Variants in ETV5 observed in about 807,000 individuals in gnomAD.
The protein encoded by ETV5 is ETS variant transcription factor 5, also known as ETS translocation variant 5.
Under a neutral mutation model 70.0 loss-of-function variants are expected in ETV5, and 10 were observed. That is an observed-to-expected ratio of 0.14 (90% CI 0.09 to 0.24). ETV5 has a LOEUF of 0.24. ETV5 is among the 10% of genes least tolerant of loss of function. The pLI is 1.00. For synonymous variants in ETV5, 216 were observed against 242.2 expected (o/e 0.89, Z 1.01); for missense variants, 453 against 651.2 (o/e 0.70, Z 3.31).
rs1272748689 is a variant in ETV5, at chr3:186,048,189, A to G, written c.*450T>C. The stretch of plus-strand genomic sequence containing the variant: ...ACCCTTAATGGTTTGAGCCTCCCCA[A>G]CTTAGCCTACTTACTTTTCTATGGG... On this transcript the variant is annotated 3_prime_UTR_variant, in exon 13 of 13. Transcript: ENST00000306376. 1 of 247,024 alleles carries G rather than the reference A, an allele frequency of 4.0e-6. No homozygotes were observed. The highest frequency in any genetic ancestry group is 2.2e-5 in the African/African-American group (1 of 45,466). 15.3% of individuals were successfully genotyped at this position (247,024 alleles called of 1,614,324 possible).
rs372433151 is a variant in ETV5 at position 186,105,305 on chromosome 3, G to C, written c.232C>G (p.Leu78Val). 6.2e-7 allele frequency: 1 copy of C among 1,611,450 alleles called. No homozygotes were observed. The highest frequency in any genetic ancestry group is 2.2e-5 in the East Asian group (1 of 44,866). ...GTGCCATCACCAGAAAGGTACTTAC[G>C]GTTATCAGACTGAAAATCTGGGACA... ...QFVPDFQSDNLVLHAPPPTKI... is the reference protein window; with the variant it reads ...QFVPDFQSDNVVLHAPPPTKI... The change falls in exon 5 of 13, where the codon CTG (leucine) becomes GTG (valine). Residue 78 changes from leucine (L) to valine (V), a missense_variant and splice_region_variant. Physicochemically the swap from Leu to Val is conservative, Grantham distance 32. Around this residue, in one of 4 missense-constraint regions of ETV5, gnomAD observed 47 missense variants for 96.8 expected, o/e 0.49. Transcript: ENST00000306376. This position sits in a 1 kb window ranked among gnomAD's most constrained non-coding sequence, Gnocchi z 4.5.
intron 9 of ETV5, among the ~76,000 whole-genome samples, chr3:186,060,888 C>G (rs1488243675): frequency 6.6e-6 from 1 of 152,216 alleles, no homozygotes; most frequent in East Asian, 1.9e-4. Context: ...TCTCTTCCCC[C>G]ACTCCCTCCT....
chr3:186,062,961 T>C (rs1162371219), intron 9 of ETV5, among the ~76,000 whole-genome samples: 1 of 152,126 alleles, frequency 6.6e-6, no homozygotes, highest in Non-Finnish European at 1.5e-5. Flanking sequence ...AAAAATAAGC[T>C]ACAAAAGTTT....
At chr3:186,069,612 G>A (rs1713550482) in intron 7 of ETV5, among the ~76,000 whole-genome samples, 2 of 149,968 alleles carry the variant, frequency 1.3e-5, no homozygotes, top group Admixed American at 6.7e-5. Context: ...TCAGCTCACC[G>A]CAACCTCCGC....
intron 11 of ETV5, among the ~76,000 whole-genome samples, chr3:186,056,868 T>C (rs1713176994): frequency 6.6e-6 from 1 of 152,214 alleles, no homozygotes; most frequent in African/African-American, 2.4e-5. Context: ...ACTTTTCATG[T>C]ATTCTACACT....
intron 5 of ETV5, among the ~76,000 whole-genome samples, chr3:186,100,823 T>C (rs1159478757): frequency 6.6e-6 from 1 of 152,224 alleles, no homozygotes; most frequent in Non-Finnish European, 1.5e-5. Flanking sequence ...CTACTCAGCA[T>C]AAAATATCTT....
intron 5 of ETV5, among the ~76,000 whole-genome samples, chr3:186,086,680 G>A (rs116208877): frequency 1.3e-3 from 196 of 152,208 alleles, no homozygotes; most frequent in Non-Finnish European, 2.2e-3. Flanking sequence ...ACTGGGCCAG[G>A]CATGGTGGCT....
chr3:186,080,173 C>G (rs992872826), intron 6 of ETV5, 69 bp from the exon 7 acceptor site: 3 of 1,336,224 alleles, frequency 2.2e-6, no homozygotes, highest in Admixed American at 6.5e-5. Context: ...CCAGGTCCAG[C>G]AGAAAGCTAG....
intron 5 of ETV5, chr3:186,084,429 A>G (rs1714006131): frequency 3.0e-6 from 1 of 332,024 alleles, no homozygotes; most frequent in South Asian, 2.5e-5. Flanking sequence ...AATGTGGACT[A>G]CCTTCTTTGT....
intron 5 of ETV5, among the ~76,000 whole-genome samples, chr3:186,096,560 A>G (rs1245503964): frequency 6.6e-6 from 1 of 152,110 alleles, no homozygotes; most frequent in African/African-American, 2.4e-5. Context: ...CAAAAGGACA[A>G]TCTGCCCAGG....
intron 5 of ETV5, chr3:186,084,211 C>T: frequency 2.2e-6 from 1 of 445,038 alleles, no homozygotes; most frequent in Admixed American, 2.5e-5. Flanking sequence ...AGACCCAGGA[C>T]TATAAAGGAT....
rs192655732 is a variant in ETV5, at chr3:186,074,575, T to G, written c.650+5242A>C. On this transcript the variant is annotated intron_variant, in intron 7 of 12. Transcript: ENST00000306376. ...CAGATGTGGAAGTCTTATATATTTA[T>G]ATTAGAAAACCCAAACTCACCAATG... 3.3e-5 allele frequency among the ~76,000 whole-genome samples: 5 copies of G among 152,258 alleles called. No individual in the cohort carries two copies. In the East Asian group the frequency reaches 9.6e-4, roughly 29 times the overall value.
At chr3:186,059,751 A>G (rs1713260381) in intron 9 of ETV5, among the ~76,000 whole-genome samples, 1 of 152,226 alleles carries the variant, frequency 6.6e-6, no homozygotes, top group Admixed American at 6.5e-5. Flanking sequence ...ATCCTCCACC[A>G]AAGATTCTAA....
chr3:186,085,228 T>C (rs1018797835), intron 5 of ETV5, among the ~76,000 whole-genome samples: 4 of 151,928 alleles, frequency 2.6e-5, no homozygotes, highest in Admixed American at 1.3e-4. Flanking sequence ...CCAGAAGGAA[T>C]CTGAGAGAAA....
At chr3:186,077,501 A>C (rs570686584) in intron 7 of ETV5, among the ~76,000 whole-genome samples, 1 of 152,310 alleles carries the variant, frequency 6.6e-6, no homozygotes, top group Middle Eastern at 3.4e-3. Flanking sequence ...TGTCACATAG[A>C]TATCACGTGG....
chr3:186,062,121 G>A (rs1713318548), intron 9 of ETV5, among the ~76,000 whole-genome samples: 1 of 152,224 alleles, frequency 6.6e-6, no homozygotes, highest in Admixed American at 6.5e-5. Flanking sequence ...TTCAGCAATA[G>A]GTGATTAGCT....
chr3:186,071,635 C>A (rs1375247253), intron 7 of ETV5, among the ~76,000 whole-genome samples: 1 of 152,196 alleles, frequency 6.6e-6, no homozygotes, highest in Non-Finnish European at 1.5e-5. Context: ...ACCTTCTCCC[C>A]ACAACTCCCA....
chr3:186,079,928 G>C lies in ETV5; in HGVS notation c.539C>G (p.Ser180Trp), dbSNP rs759682748. ...CTGCTGTGGTCCAGGCTCTGGAAGC[G>C]AATGGGGGGCGGGGGCGGGGCCCAC... is the stretch of plus-strand genomic sequence containing the variant. ...QGVGPAPAPH[S>W]LPEPGPQQQT... is the part of the protein sequence containing the mutation. Residue 180 changes from serine (S) to tryptophan (W), a missense_variant, in exon 7 of 13, where the codon TCG (serine) becomes TGG (tryptophan). Around this residue, in one of 4 missense-constraint regions of ETV5, gnomAD observed 307 missense variants for 344.9 expected, o/e 0.89. Transcript: ENST00000306376. 2 of 1,587,068 alleles carry C rather than the reference G, an allele frequency of 1.3e-6. No individual in the cohort carries two copies. Among genetic ancestry groups the C allele is most frequent in the Non-Finnish European group, 1.7e-6 (2 of 1,169,194 alleles).
intron 1 of ETV5, chr3:186,108,457 C>G (rs1158630536): frequency 8.2e-7 from 1 of 1,226,592 alleles, no homozygotes; most frequent in Non-Finnish European, 1.1e-6. Context: ...CTGCACTTGC[C>G]TGTGTCATTT....
Sources: gnomAD v4.1 joint callset for allele counts (sites outside exome capture counted in the v4.1 genomes callset) on GRCh38, gnomAD v4.1.1 for gene constraint, gnomAD v4.1.1 regional missense constraint, Gnocchi (gnomAD v3.1) non-coding constraint, MANE v1.5 for transcripts, NCBI Gene and HGNC (gene_info 2026-07-23, HGNC 2026-07-21) for gene names.